The following ANTXR1 variants were observed in gnomAD, a reference collection of about 807,000 sequenced individuals.
ANTXR1 encodes anthrax toxin receptor 1.
In ANTXR1, 19 loss-of-function variants were observed where a neutral mutation model predicts 78.1. The ratio of observed to expected loss-of-function variants is 0.24; its 90% CI spans 0.17 to 0.36. The LOEUF (loss-of-function observed/expected upper bound fraction) is 0.36. Ranked by LOEUF, ANTXR1 falls within the 10% of genes least tolerant of loss-of-function variation. The probability of loss-of-function intolerance (pLI) is 1.00; values close to 1 mark genes in which losing one functional copy is unlikely to be tolerated. For synonymous variants in ANTXR1, 273 were observed against 260.5 expected, an observed-to-expected ratio of 1.05 and a Z score of -0.46; for missense variants, 518 against 718.6, an observed-to-expected ratio of 0.72 and a Z score of 3.19.
chr2:69,041,654 G>T (rs989523562), intron 2 of ANTXR1, among the ~76,000 whole-genome samples: 1 of 152,192 alleles, frequency 6.6e-6, no homozygotes, highest in African/African-American at 2.4e-5. Flanking sequence ...CACCAGTCCA[G>T]CACCTGGCTT....
chr2:69,212,325 T>C (rs1461305664), intron 17 of ANTXR1, among the ~76,000 whole-genome samples: 1 of 151,974 alleles, frequency 6.6e-6, no homozygotes, highest in Admixed American at 6.6e-5. Context: ...TGAGTGTAGG[T>C]AAGAGGCAAA....
At chr2:69,161,614 T>C (rs2104441805) in intron 13 of ANTXR1, among the ~76,000 whole-genome samples, 1 of 152,340 alleles carries the variant, frequency 6.6e-6, no homozygotes, top group Non-Finnish European at 1.5e-5. Context: ...TCAACTAGCA[T>C]CTCATCTCTC....
intron 17 of ANTXR1, among the ~76,000 whole-genome samples, chr2:69,206,877 A>T (rs183256404): frequency 6.6e-6 from 1 of 152,208 alleles, no homozygotes; most frequent in Non-Finnish European, 1.5e-5. Flanking sequence ...TCAAAATAGA[A>T]TCTCTTAGCA....
chr2:69,245,472 G>A lies in ANTXR1; in HGVS notation c.1682G>A (p.Arg561Lys). 6.2e-7 allele frequency: 1 copy of A among 1,607,444 alleles called. No homozygotes were observed. Among genetic ancestry groups the A allele is most frequent in the Non-Finnish European group, 8.5e-7 (1 of 1,176,880 alleles). Residue 561 changes from arginine (R) to lysine (K), a missense_variant, in exon 18 of 18, where the codon AGG becomes AAG. Around this residue, in one of 5 missense-constraint regions of ANTXR1, gnomAD observed 192 missense variants for 230.2 expected, o/e 0.83. Transcript: ENST00000303714. Reference sequence around the variant, plus strand: ...CCTCCTCCCTCCCGCCCTCCTCCAAGGCCTTCTGTCTAGAGCCCAAAGTTC... The same window carrying A: ...CCTCCTCCCTCCCGCCCTCCTCCAAAGCCTTCTGTCTAGAGCCCAAAGTTC... ...RAPPPSRPPP[R>K]PSV is the part of the protein sequence containing the mutation.
intron 17 of ANTXR1, among the ~76,000 whole-genome samples, chr2:69,201,535 G>A (rs1265151409): frequency 1.3e-5 from 2 of 152,246 alleles, no homozygotes; most frequent in Non-Finnish European, 2.9e-5. Context: ...GCAATCGGAT[G>A]TGCATTTTAG....
intron 11 of ANTXR1, among the ~76,000 whole-genome samples, chr2:69,123,781 T>C (rs1348923905): frequency 6.6e-6 from 1 of 152,012 alleles, no homozygotes; most frequent in Admixed American, 6.6e-5. Context: ...AAGAAATACA[T>C]GGGAAATGAG....
intron 13 of ANTXR1, among the ~76,000 whole-genome samples, chr2:69,161,252 C>T (rs778835911): frequency 4.6e-5 from 7 of 152,158 alleles, no homozygotes; most frequent in Admixed American, 1.3e-4. Context: ...CATGTGAGTC[C>T]CTTAGGCCCT....
Position 69,119,290 on chromosome 2 carries a change from G to A in ANTXR1, c.803-3727G>A, listed in dbSNP as rs546509049. Among the ~76,000 whole-genome samples, 9 of 152,232 alleles carry A rather than the reference G, an allele frequency of 5.9e-5. No homozygotes were observed. In the East Asian group the frequency reaches 7.8e-4, roughly 13 times the overall value. ...GTGCGCTGCCTCGGATGCTCTCCTC[G>A]GCGTGACCCAGCTCTCCCCACAGAA... is the stretch of plus-strand genomic sequence containing the variant. On this transcript the variant is annotated intron_variant, in intron 10 of 17. Transcript: ENST00000303714.
chr2:69,068,680 G>A (rs779506649), intron 3 of ANTXR1, among the ~76,000 whole-genome samples: 4 of 152,202 alleles, frequency 2.6e-5, no homozygotes, highest in Non-Finnish European at 4.4e-5. Flanking sequence ...TAATGGGTTG[G>A]TGTTGAAGGG....
At chr2:69,146,328 T>C in intron 12 of ANTXR1, 1 of 985,458 alleles carries the variant, frequency 1.0e-6, no homozygotes, top group Non-Finnish European at 1.2e-6. Flanking sequence ...GCTGTTAAAA[T>C]TGTTAAAATT....
At chr2:69,096,282 AAGGAAGGG>A (rs1258672829) in intron 9 of ANTXR1, among the ~76,000 whole-genome samples, 14 of 34,638 alleles carry the variant, frequency 4.0e-4, no homozygotes, top group African/African-American at 7.6e-4. Flanking sequence ...GGAAGGAAGG[AAGGAAGGG>A]AGGAAGGGAG....
chr2:69,204,265 C>G (rs1674842582), intron 17 of ANTXR1, among the ~76,000 whole-genome samples: 3 of 152,170 alleles, frequency 2.0e-5, no homozygotes, highest in Admixed American at 2.0e-4. Context: ...ATGGCAAAAT[C>G]TGACCTAGGA....
intron 14 of ANTXR1, among the ~76,000 whole-genome samples, chr2:69,171,031 C>A (rs539393793): frequency 6.6e-6 from 1 of 152,252 alleles, no homozygotes; most frequent in South Asian, 2.1e-4. Flanking sequence ...TAACATCCAC[C>A]CATTCAGAAG....
At chr2:69,159,156 T>C (rs1429854225) in intron 13 of ANTXR1, among the ~76,000 whole-genome samples, 1 of 152,198 alleles carries the variant, frequency 6.6e-6, no homozygotes, top group Non-Finnish European at 1.5e-5. Context: ...TATCTAATAT[T>C]ATATAACAAG....
chr2:69,154,974 C>A (rs1673486356), intron 13 of ANTXR1, among the ~76,000 whole-genome samples: 1 of 152,172 alleles, frequency 6.6e-6, no homozygotes, highest in South Asian at 2.1e-4. Context: ...CCAGGATGAG[C>A]AGACCAGGCA....
At chr2:69,108,107 G>A (rs1437812389) in intron 10 of ANTXR1, among the ~76,000 whole-genome samples, 1 of 152,212 alleles carries the variant, frequency 6.6e-6, no homozygotes, top group Non-Finnish European at 1.5e-5. Flanking sequence ...AATGTGGCTA[G>A]TGCAATTGAG....
intron 17 of ANTXR1, among the ~76,000 whole-genome samples, chr2:69,236,339 T>C (rs1417497837): frequency 1.3e-5 from 2 of 152,184 alleles, no homozygotes; most frequent in Admixed American, 6.5e-5. Context: ...TGAGTGTATA[T>C]ATGTATATGT....
At chr2:69,165,361 A>G (rs1417547612) in intron 13 of ANTXR1, among the ~76,000 whole-genome samples, 1 of 152,248 alleles carries the variant, frequency 6.6e-6, no homozygotes, top group Non-Finnish European at 1.5e-5. Flanking sequence ...GCTCATGCAA[A>G]AAGGACACGG....
intron 9 of ANTXR1, among the ~76,000 whole-genome samples, chr2:69,098,725 C>T (rs1671508920): frequency 6.6e-6 from 1 of 152,200 alleles, no homozygotes; most frequent in African/African-American, 2.4e-5. Context: ...GTGGCTCACA[C>T]CTGTAATCCC....
Sources: allele counts gnomAD v4.1 joint callset (sites outside exome capture counted in the v4.1 genomes callset), GRCh38; gene constraint gnomAD v4.1.1; regional missense constraint gnomAD v4.1.1; transcripts MANE v1.5; gene names NCBI Gene and HGNC (gene_info 2026-07-23, HGNC 2026-07-21).